The following CHM variants were observed in gnomAD, a reference collection of about 807,000 sequenced individuals.
CHM encodes the protein CHM Rab escort protein.
CHM carries 10 observed loss-of-function variants against 49.0 expected under a neutral mutation model. The observed-to-expected ratio is 0.20, with a 90% CI of 0.13 to 0.35. CHM has a LOEUF of 0.35. Among genes scored for constraint, CHM ranks in the 10% least tolerant of loss-of-function variants. The pLI, the probability that CHM is intolerant of heterozygous loss-of-function variation, is 1.00. For synonymous variants in CHM, 184 were observed against 167.5 expected (o/e 1.10, Z -0.76); for missense variants, 455 against 478.4 (o/e 0.95, Z 0.46).
At chrX:85,902,109 T>C (rs1030692822) in intron 9 of CHM, among the ~76,000 whole-genome samples, 3 of 112,063 alleles carry the variant, frequency 2.7e-5, no homozygotes, top group Non-Finnish European at 5.6e-5. Context: ...CTTTTGATTA[T>C]GGAAATATCA....
At chrX:85,960,211 T>C (rs1235354864) in intron 5 of CHM, among the ~76,000 whole-genome samples, 1 of 111,688 alleles carries the variant, frequency 9.0e-6, no homozygotes, top group Non-Finnish European at 1.9e-5. Context: ...GATCCCTGCA[T>C]AGCCATAATA....
At chrX:86,021,126 G>GTGTATATATATATATA (rs1555967708) in intron 2 of CHM, among the ~76,000 whole-genome samples, 1 of 55,976 alleles carries the variant, frequency 1.8e-5, no homozygotes, top group Non-Finnish European at 3.1e-5. Flanking sequence ...GTGTATATAC[G>GTGTATATATATATATA]TATATATATA....
At chrX:85,867,032 T>C (rs1018555254) in intron 14 of CHM, among the ~76,000 whole-genome samples, 3 of 112,142 alleles carry the variant, frequency 2.7e-5, no homozygotes, top group Non-Finnish European at 5.6e-5. Context: ...TGGAGGGCTG[T>C]TGGGAAGGGA....
intron 8 of CHM, among the ~76,000 whole-genome samples, chrX:85,939,151 T>C (rs751727334): frequency 8.9e-6 from 1 of 112,235 alleles, no homozygotes; most frequent in South Asian, 3.7e-4. Context: ...GGTTGTATCA[T>C]CTAGGTTTGT....
chrX:86,007,132 T>C (rs1419876119), intron 2 of CHM, among the ~76,000 whole-genome samples: 2 of 111,709 alleles, frequency 1.8e-5, no homozygotes, highest in Non-Finnish European at 3.8e-5. Context: ...TGATCTTTGA[T>C]AAACCTGACA....
At chrX:86,005,508 A>G (rs779488333) in intron 2 of CHM, among the ~76,000 whole-genome samples, 6 of 112,053 alleles carry the variant, frequency 5.4e-5, no homozygotes, top group Non-Finnish European at 9.4e-5. Flanking sequence ...CAAAATTGAT[A>G]GAGAGCTAGA....
At chrX:85,967,010 T>G (rs768397578) in intron 4 of CHM, among the ~76,000 whole-genome samples, 1 of 112,294 alleles carries the variant, frequency 8.9e-6, no homozygotes, top group Non-Finnish European at 1.9e-5. Context: ...ATCGTTTTAC[T>G]GTTCTCAACA....
intron 1 of CHM, among the ~76,000 whole-genome samples, chrX:86,034,158 T>C (rs190590868): frequency 1.8e-3 from 196 of 111,707 alleles, no homozygotes; most frequent in African/African-American, 6.0e-3. Flanking sequence ...TAGATATCCT[T>C]ATTAGATAAA....
intron 2 of CHM, among the ~76,000 whole-genome samples, chrX:86,005,379 C>T (rs1017653498): frequency 1.3e-4 from 15 of 111,247 alleles, no homozygotes; most frequent in Non-Finnish European, 2.8e-4. Context: ...CAAACATGTT[C>T]GAAAGCTAGC....
intron 7 of CHM, 28 bp from the exon 8 acceptor site, chrX:85,956,406 A>T (rs777257787): frequency 8.4e-7 from 1 of 1,190,689 alleles, no homozygotes; most frequent in Non-Finnish European, 1.1e-6. Flanking sequence ...TTTATCACTT[A>T]AAATCAGAAC....
intron 8 of CHM, among the ~76,000 whole-genome samples, chrX:85,943,027 T>C (rs1175494182): frequency 9.4e-6 from 1 of 106,302 alleles, no homozygotes; most frequent in African/African-American, 3.4e-5. Flanking sequence ...TTTTTGTCCT[T>C]GTGATAGTTT....
intron 2 of CHM, among the ~76,000 whole-genome samples, chrX:86,009,090 T>C (rs1448637866): frequency 8.9e-6 from 1 of 112,004 alleles, no homozygotes; most frequent in Non-Finnish European, 1.9e-5. Flanking sequence ...CAAATAGCAT[T>C]TGTGAAGTGT....
intron 2 of CHM, among the ~76,000 whole-genome samples, chrX:86,021,190 ATG>A (rs747508469): frequency 2.1e-3 from 159 of 74,464 alleles, no homozygotes; most frequent in African/African-American, 6.8e-3. Flanking sequence ...ATATATATAT[ATG>A]AAATCCGAAG....
intron 4 of CHM, chrX:85,969,485 C>G (rs1603265807): frequency 3.2e-6 from 2 of 624,310 alleles, no homozygotes; most frequent in East Asian, 3.3e-4. Flanking sequence ...GAAAGAAGAA[C>G]TCTCACACAC....
At chrX:86,021,145 T>C (rs867224905) in intron 2 of CHM, among the ~76,000 whole-genome samples, 2 of 52,537 alleles carry the variant, frequency 3.8e-5, no homozygotes, top group Non-Finnish European at 6.4e-5. Context: ...TATATATATA[T>C]ATATATATAT....
At chrX:86,039,879 G>T (rs894069354) in intron 1 of CHM, among the ~76,000 whole-genome samples, 6 of 111,489 alleles carry the variant, frequency 5.4e-5, no homozygotes, top group African/African-American at 2.0e-4. Context: ...GAAGAATCTG[G>T]CCAGAGACAG....
chrX:85,919,275 C>T (rs1927641232), intron 8 of CHM, among the ~76,000 whole-genome samples: 1 of 111,608 alleles, frequency 9.0e-6, no homozygotes, highest in Non-Finnish European at 1.9e-5. Context: ...ATATATAAAA[C>T]AATATGCCAC....
chrX:85,949,566 C>G (rs1929615295), intron 8 of CHM, among the ~76,000 whole-genome samples: 1 of 110,152 alleles, frequency 9.1e-6, no homozygotes, highest in Non-Finnish European at 1.9e-5. Context: ...ATAGAACTCC[C>G]CCGCTTGTAT....
intron 2 of CHM, among the ~76,000 whole-genome samples, chrX:86,024,769 C>T (rs1933737071): frequency 8.9e-6 from 1 of 112,080 alleles, no homozygotes. Flanking sequence ...TCAAAATCAT[C>T]TGAATAAATC....
Sources: gnomAD v4.1 joint callset for allele counts (sites outside exome capture counted in the v4.1 genomes callset) on GRCh38, gnomAD v4.1.1 for gene constraint, MANE v1.5 for transcripts, NCBI Gene and HGNC (gene_info 2026-07-23, HGNC 2026-07-21) for gene names.